The following TIMD4 variants were observed in gnomAD, a reference collection of about 807,000 sequenced individuals.
The protein encoded by TIMD4 is T-cell immunoglobulin and mucin domain-containing protein 4.
Under a neutral mutation model 41.2 loss-of-function variants are expected in TIMD4, and 31 were observed. That is an observed-to-expected ratio of 0.75 (90% CI 0.57 to 1.01). The LOEUF (loss-of-function observed/expected upper bound fraction) is 1.01, where lower values mean the gene tolerates loss of function less well. Ranked by LOEUF, TIMD4 falls within the 50% of genes least tolerant of loss-of-function variation. The pLI is 0.00. For synonymous variants in TIMD4, 204 were observed against 177.1 expected (o/e 1.15, Z -1.21); for missense variants, 479 against 472.5 (o/e 1.01, Z -0.13).
At chr5:156,939,547 G>C (rs1457718698) in intron 5 of TIMD4, among the ~76,000 whole-genome samples, 1 of 152,140 alleles carries the variant, frequency 6.6e-6, no homozygotes, top group Non-Finnish European at 1.5e-5. Flanking sequence ...ACCCACCCAA[G>C]CATCCATGAG....
At chr5:156,936,779 A>T (rs1449358059) in intron 5 of TIMD4, among the ~76,000 whole-genome samples, 2 of 151,896 alleles carry the variant, frequency 1.3e-5, no homozygotes, top group African/African-American at 2.4e-5. Flanking sequence ...AAAAGAAAAA[A>T]AAATTAGCCA....
chr5:156,949,158 C>G (rs564249124), intron 4 of TIMD4, among the ~76,000 whole-genome samples: 1 of 152,192 alleles, frequency 6.6e-6, no homozygotes. Context: ...GCCCCAGTAA[C>G]TACCTAAAGA....
intron 5 of TIMD4, 102 bp from the exon 6 acceptor site, chr5:156,926,414 T>C (rs1759348893): frequency 1.8e-6 from 2 of 1,137,232 alleles, no homozygotes; most frequent in Admixed American, 3.8e-5. Flanking sequence ...CTGCAGCTGA[T>C]GTGTTTAATT....
At chr5:156,919,660 T>C (rs1759199272) in intron 8 of TIMD4, 119 bp from the exon 9 acceptor site, 1 of 711,604 alleles carries the variant, frequency 1.4e-6, no homozygotes, top group African/African-American at 1.8e-5. Context: ...ACAGTTCATT[T>C]AGTCTAAGCT....
At chr5:156,924,720 T>G (rs1759315075) in intron 6 of TIMD4, 1 of 173,428 alleles carries the variant, frequency 5.8e-6, no homozygotes, top group South Asian at 1.5e-4. Context: ...ATAGAAAATT[T>G]CATGCTCTAC....
rs751615435 is a variant in TIMD4 at position 156,920,462 on chromosome 5, A to G, written c.1052+2T>C. On this transcript the variant is annotated splice_donor_variant, in intron 8 of 8. Coordinates refer to ENST00000274532, the MANE Select transcript of TIMD4 (RefSeq NM_138379.3). LOFTEE classifies it high-confidence loss of function. ...AACACCCATTCATGCAAGATAGATT[A>G]CCTTGTGTGTTTCTGCGAACAATAG... is the stretch of plus-strand genomic sequence containing the variant. The G allele has an allele frequency of 6.2e-7, 1 of 1,613,916 alleles. No individual in the cohort carries two copies.
chr5:156,943,921 G>A (rs1759690570), intron 5 of TIMD4, among the ~76,000 whole-genome samples: 1 of 151,634 alleles, frequency 6.6e-6, no homozygotes, highest in African/African-American at 2.4e-5. Context: ...TTAGCCAGGT[G>A]TGGTGGTGGG....
intron 5 of TIMD4, among the ~76,000 whole-genome samples, chr5:156,942,052 G>A (rs73293074): frequency 0.035 from 5,252 of 152,232 alleles, 305 homozygotes; most frequent in African/African-American, 0.12. Context: ...AATAACTACT[G>A]TTAAGTATCG....
chr5:156,936,361 G>A (rs1037122942), intron 5 of TIMD4, among the ~76,000 whole-genome samples: 1 of 152,144 alleles, frequency 6.6e-6, no homozygotes, highest in East Asian at 1.9e-4. Flanking sequence ...ACCATATACT[G>A]AGCACTTACT....
intron 5 of TIMD4, among the ~76,000 whole-genome samples, chr5:156,940,121 T>A (rs959640924): frequency 2.6e-5 from 4 of 152,208 alleles, no homozygotes; most frequent in Admixed American, 2.0e-4. Flanking sequence ...CAGGCCTGAC[T>A]GGTTTTTGTA....
rs1447454470 is a variant in TIMD4, at chr5:156,919,821, A to T, written c.1053-280T>A. Among the ~76,000 whole-genome samples, 4 of 152,360 alleles carry T rather than the reference A, an allele frequency of 2.6e-5. No homozygotes were observed. In the East Asian group the frequency reaches 7.7e-4, roughly 29 times the overall value. On this transcript the variant is annotated intron_variant, in intron 8 of 8. Transcript: ENST00000274532. ...AAAGGTCTCTAAGTGTGACCTTGAA[A>T]GGTCACCTCGCTGGGTGTCAATTTT...
chr5:156,951,824 C>A (rs374465220), intron 2 of TIMD4, 34 bp from the exon 3 acceptor site: 2 of 1,610,318 alleles, frequency 1.2e-6, no homozygotes, highest in Non-Finnish European at 8.5e-7. Flanking sequence ...TGGCACCAAG[C>A]GGAGATGGAG....
In TIMD4 at chr5:156,929,557, A is replaced by C. The variant is rs1403101153; in HGVS notation, c.845-3245T>G. ...CAGAGAGACACACACAGAGAAGGTC[A>C]TGTGAAGACGAGAGAGATGGGAGTG... On this transcript the variant is annotated intron_variant, in intron 5 of 8. Transcript: ENST00000274532. Among the ~76,000 whole-genome samples the C allele has an allele frequency of 2.6e-5, 4 of 151,728 alleles. No homozygotes were observed. In the East Asian group the frequency reaches 7.7e-4, roughly 29 times the overall value.
At chr5:156,961,500 G>A (rs181731953) in intron 1 of TIMD4, among the ~76,000 whole-genome samples, 1 of 152,248 alleles carries the variant, frequency 6.6e-6, no homozygotes, top group African/African-American at 2.4e-5. Flanking sequence ...TGGATGAATG[G>A]ATAAAGAAAA....
At chr5:156,940,213 C>A (rs965093670) in intron 5 of TIMD4, among the ~76,000 whole-genome samples, 1 of 152,266 alleles carries the variant, frequency 6.6e-6, no homozygotes, top group African/African-American at 2.4e-5. Context: ...CCGCCTCGGC[C>A]TCCCGAGGTG....
At chr5:156,925,706 T>G (rs896643069) in intron 6 of TIMD4, among the ~76,000 whole-genome samples, 2 of 152,206 alleles carry the variant, frequency 1.3e-5, no homozygotes, top group Non-Finnish European at 2.9e-5. Flanking sequence ...TCTTGCATGT[T>G]TTTTATATTT....
intron 4 of TIMD4, among the ~76,000 whole-genome samples, chr5:156,949,407 T>C (rs563806351): frequency 7.1e-6 from 1 of 141,024 alleles, no homozygotes; most frequent in Admixed American, 7.5e-5. Flanking sequence ...GGGTCTTCCT[T>C]TTCCCTACCT....
At chr5:156,946,753 G>A (rs1264428411) in intron 5 of TIMD4, among the ~76,000 whole-genome samples, 2 of 151,630 alleles carry the variant, frequency 1.3e-5, no homozygotes, top group Admixed American at 1.3e-4. Flanking sequence ...CCAAGGTGCT[G>A]TAATTATAGG....
At chr5:156,954,932 C>A (rs1272941614) in intron 1 of TIMD4, among the ~76,000 whole-genome samples, 176 bp from the exon 2 acceptor site, 1 of 151,656 alleles carries the variant, frequency 6.6e-6, no homozygotes, top group Non-Finnish European at 1.5e-5. Context: ...GGCTGGAGTG[C>A]AGTGGTACAA....
Sources: gnomAD v4.1 joint callset for allele counts (sites outside exome capture counted in the v4.1 genomes callset) on GRCh38, gnomAD v4.1.1 for gene constraint, MANE v1.5 for transcripts, NCBI Gene and HGNC (gene_info 2026-07-23, HGNC 2026-07-21) for gene names.